Variants in WDFY2 observed in about 807,000 individuals in gnomAD.
WDFY2 encodes the protein WD repeat and FYVE domain-containing protein 2.
WDFY2 carries 36 observed loss-of-function variants against 56.4 expected under a neutral mutation model. The observed-to-expected ratio is 0.64, with a 90% CI of 0.49 to 0.84. The LOEUF is 0.84. Ranked by LOEUF, WDFY2 falls within the 40% of genes least tolerant of loss-of-function variation. The probability of loss-of-function intolerance (pLI) is 0.00; values close to 1 mark genes in which losing one functional copy is unlikely to be tolerated. For missense variants in WDFY2, 444 were observed against 512.2 expected (o/e 0.87, Z 1.29); for synonymous variants, 176 against 183.7 (o/e 0.96, Z 0.34).
rs553597650 is a variant in WDFY2, at chr13:51,666,880, A to G, written c.205+6217A>G. On this transcript the variant is annotated intron_variant, in intron 2 of 11. Transcript: ENST00000298125. Reference sequence around the variant, plus strand: ...ATATCTATGGAAAGGATATTTGAACATAGTCTATTGTTTACATTAAATTCA... The same window carrying G: ...ATATCTATGGAAAGGATATTTGAACGTAGTCTATTGTTTACATTAAATTCA... 8.5e-5 allele frequency among the ~76,000 whole-genome samples: 13 copies of G among 152,360 alleles called. No individual in the cohort carries two copies. In the East Asian group the frequency reaches 1.5e-3, roughly 18 times the overall value.
chr13:51,635,223 G>A (rs1398021891), intron 1 of WDFY2, among the ~76,000 whole-genome samples: 3 of 152,108 alleles, frequency 2.0e-5, no homozygotes, highest in African/African-American at 7.2e-5. Context: ...GGATTACAGC[G>A]TGAGCTACTG....
chr13:51,744,199 TG>T (rs1308944010), intron 7 of WDFY2, among the ~76,000 whole-genome samples: 2 of 152,216 alleles, frequency 1.3e-5, no homozygotes, highest in African/African-American at 4.8e-5. Context: ...GTGAGATCTC[TG>T]GTAGTAGAAG....
At chr13:51,633,637 CAGT>C (rs1325154260) in intron 1 of WDFY2, among the ~76,000 whole-genome samples, 1 of 152,088 alleles carries the variant, frequency 6.6e-6, no homozygotes, top group South Asian at 2.1e-4. Context: ...AGTAGCCAGT[CAGT>C]GGTGGAGACT....
At chr13:51,677,099 A>C (rs952917299) in intron 3 of WDFY2, among the ~76,000 whole-genome samples, 1 of 152,214 alleles carries the variant, frequency 6.6e-6, no homozygotes, top group Non-Finnish European at 1.5e-5. Context: ...TATTTATTGT[A>C]TATAAGAGGC....
chr13:51,637,622 A>G (rs572536344), intron 1 of WDFY2, among the ~76,000 whole-genome samples: 2 of 152,288 alleles, frequency 1.3e-5, no homozygotes, highest in Admixed American at 1.3e-4. Context: ...TCCACAGTGC[A>G]AAGCAAAAGC....
intron 6 of WDFY2, among the ~76,000 whole-genome samples, chr13:51,735,103 C>G (rs1952806277): frequency 6.6e-6 from 1 of 152,358 alleles, no homozygotes; most frequent in Non-Finnish European, 1.5e-5. Context: ...AAAATTCCCT[C>G]AGAAGGGAGA....
chr13:51,765,850 A>G lies in WDFY2; in HGVS notation c.*6081A>G, dbSNP rs1953729734. On this transcript the variant is annotated 3_prime_UTR_variant, in exon 12 of 12. Transcript: ENST00000298125. The stretch of plus-strand genomic sequence containing the variant: ...CATGGTACCATCTCATTAAAAATAG[A>G]TACCTCAAAATGTTTACCTTTACAA... The G allele has an allele frequency of 6.6e-6, 1 of 152,244 alleles. No individual in the cohort carries two copies. Among genetic ancestry groups the G allele is most frequent in the Non-Finnish European group, 1.5e-5 (1 of 68,034 alleles). 9.4% of individuals were successfully genotyped at this position (152,244 alleles called of 1,614,324 possible).
chr13:51,700,972 A>G (rs1227923023), intron 3 of WDFY2, among the ~76,000 whole-genome samples: 3 of 152,200 alleles, frequency 2.0e-5, no homozygotes, highest in Non-Finnish European at 4.4e-5. Flanking sequence ...TGTCTCAAAA[A>G]AAAGAATGTT....
At chr13:51,597,179 C>A (rs954647288) in intron 1 of WDFY2, among the ~76,000 whole-genome samples, 1 of 152,092 alleles carries the variant, frequency 6.6e-6, no homozygotes, top group Non-Finnish European at 1.5e-5. Flanking sequence ...CAGAATTGAA[C>A]CCAGAAGAAC....
At chr13:51,646,378 T>G (rs1955262534) in intron 1 of WDFY2, among the ~76,000 whole-genome samples, 1 of 152,214 alleles carries the variant, frequency 6.6e-6, no homozygotes, top group African/African-American at 2.4e-5. Context: ...CACCATTATT[T>G]CTGAGAAGCT....
At chr13:51,741,446 C>T (rs1952971422) in intron 7 of WDFY2, among the ~76,000 whole-genome samples, 1 of 152,190 alleles carries the variant, frequency 6.6e-6, no homozygotes, top group South Asian at 2.1e-4. Flanking sequence ...CAGTCAGTGT[C>T]AGTCTGTTAG....
At position 51,610,013 on chromosome 13, in the gene WDFY2, G is replaced by A. The variant is rs570724098; in HGVS notation, c.137+25189G>A. ...TATGATTCTTGTCTTTCTTTTTCCT[G>A]ATTTATACCCAAGTCCAGAGGGTAG... On this transcript the variant is annotated intron_variant, in intron 1 of 11. Transcript: ENST00000298125. Among the ~76,000 whole-genome samples the A allele has an allele frequency of 1.9e-3, 286 of 152,206 alleles. 2 individuals carry two copies. The highest frequency in any genetic ancestry group is 6.5e-3 in the African/African-American group (269 of 41,514).
At chr13:51,652,896 T>C (rs901118176) in intron 1 of WDFY2, among the ~76,000 whole-genome samples, 1 of 152,196 alleles carries the variant, frequency 6.6e-6, no homozygotes, top group African/African-American at 2.4e-5. Context: ...GAGTTGCTCG[T>C]CTCGAGGAGT....
At chr13:51,741,684 A>G (rs906948917) in intron 7 of WDFY2, among the ~76,000 whole-genome samples, 3 of 152,240 alleles carry the variant, frequency 2.0e-5, no homozygotes, top group African/African-American at 7.2e-5. Flanking sequence ...AGAGCTTTCA[A>G]AACACACAGA....
intron 5 of WDFY2, among the ~76,000 whole-genome samples, chr13:51,722,425 G>A (rs1952511873): frequency 6.6e-6 from 1 of 151,988 alleles, no homozygotes; most frequent in Non-Finnish European, 1.5e-5. Flanking sequence ...TGTTTTGACC[G>A]AAGATCTGAA....
chr13:51,730,506 C>T (rs1952700732), intron 6 of WDFY2, among the ~76,000 whole-genome samples: 2 of 152,164 alleles, frequency 1.3e-5, no homozygotes. Flanking sequence ...CCATTCCTCC[C>T]AGTCCCAGAG....
Position 51,756,415 on chromosome 13 carries a change from T to A in WDFY2, c.1017T>A (p.Phe339Leu), listed in dbSNP as rs955032110. 12 of 1,614,000 alleles carry A rather than the reference T, an allele frequency of 7.4e-6. No homozygotes were observed. The highest frequency in any genetic ancestry group is 1.3e-5 in the African/African-American group (1 of 74,916). ...CCATCCCCCTGATGGGCTTCGAGTT[T>A]GAAGTGAGGGTCTGTGACAGCTGCC... ...RSSIPLMGFE[F>L]EVRVCDSCHE... The change falls in exon 10 of 12, where the codon TTT (phenylalanine) becomes TTA (leucine). Residue 339 changes from phenylalanine to leucine, a missense_variant. Phe to Leu is a conservative substitution (Grantham distance 22). Transcript: ENST00000298125.
chr13:51,623,860 A>G (rs1309204940), intron 1 of WDFY2, among the ~76,000 whole-genome samples: 1 of 150,546 alleles, frequency 6.6e-6, no homozygotes, highest in Non-Finnish European at 1.5e-5. Context: ...TTTTTAAAGG[A>G]ATAGGCACTT....
intron 1 of WDFY2, among the ~76,000 whole-genome samples, chr13:51,596,485 A>G (rs1438716377): frequency 6.6e-6 from 1 of 152,242 alleles, no homozygotes; most frequent in Non-Finnish European, 1.5e-5. Context: ...AGTTCACCGA[A>G]TCCTAAAAGG....
Sources: allele counts gnomAD v4.1 joint callset (sites outside exome capture counted in the v4.1 genomes callset), GRCh38; gene constraint gnomAD v4.1.1; transcripts MANE v1.5; gene names NCBI Gene and HGNC (gene_info 2026-07-23, HGNC 2026-07-21).